Variants in PALLD observed in about 807,000 individuals in gnomAD.
The protein encoded by PALLD is palladin, cytoskeletal associated protein.
PALLD carries 61 observed loss-of-function variants against 123.5 expected under a neutral mutation model. That is an observed-to-expected ratio of 0.49 (90% confidence interval 0.40 to 0.61). The LOEUF (loss-of-function observed/expected upper bound fraction) is 0.61, where lower values mean the gene tolerates loss of function less well. Among genes scored for constraint, PALLD ranks in the 20% least tolerant of loss-of-function variants. The pLI, the probability that PALLD is intolerant of heterozygous loss-of-function variation, is 0.00. For missense variants in PALLD, 1,273 were observed against 1,377.0 expected, an observed-to-expected ratio of 0.92 and a Z score of 1.20; for synonymous variants, 465 against 496.4, an observed-to-expected ratio of 0.94 and a Z score of 0.84.
At chr4:168,630,406 A>C (rs1420407603) in intron 2 of PALLD, among the ~76,000 whole-genome samples, 1 of 152,256 alleles carries the variant, frequency 6.6e-6, no homozygotes, top group Non-Finnish European at 1.5e-5. Flanking sequence ...TATTAACTTT[A>C]CATTGATTCC....
At chr4:168,572,663 A>T (rs1048416183) in intron 2 of PALLD, among the ~76,000 whole-genome samples, 4 of 151,798 alleles carry the variant, frequency 2.6e-5, no homozygotes, top group Non-Finnish European at 5.9e-5. Context: ...CTTAAAGCCA[A>T]AGCCTGAGAG....
intron 2 of PALLD, among the ~76,000 whole-genome samples, chr4:168,531,322 G>A (rs977951005): frequency 1.3e-5 from 2 of 152,174 alleles, no homozygotes; most frequent in Non-Finnish European, 2.9e-5. Flanking sequence ...GTTAGACCCA[G>A]AACCTTATGA....
Position 168,898,543 on chromosome 4 carries a change from C to T in PALLD, c.2301C>T (p.Tyr767=). The T allele has an allele frequency of 6.2e-7, 1 of 1,613,906 alleles. No homozygotes were observed. The highest frequency in any genetic ancestry group is 8.5e-7 in the Non-Finnish European group (1 of 1,179,790). ...CEQRLISEIE[Y]RLERSPVDES... The stretch of plus-strand genomic sequence containing the variant: ...AGAGACTCATCAGTGAAATAGAGTA[C>T]AGGCTAGAAAGGTCTCCTGTGGATG... Residue 767 remains tyrosine (Y), a synonymous_variant, in exon 14 of 22, where the codon TAC becomes TAT. Transcript: ENST00000505667.
At chr4:168,620,345 C>T (rs1774639977) in intron 2 of PALLD, among the ~76,000 whole-genome samples, 1 of 152,152 alleles carries the variant, frequency 6.6e-6, no homozygotes, top group Admixed American at 6.5e-5. Flanking sequence ...ATCGCAGCTA[C>T]TCAGGAGGCT....
Position 168,595,160 on chromosome 4 carries a change from A to G in PALLD, c.909-73030A>G, listed in dbSNP as rs1771852459. On this transcript the variant is annotated intron_variant, in intron 2 of 21. Coordinates refer to ENST00000505667, the MANE Select transcript of PALLD (RefSeq NM_001166108.2). ...TTTGCTGTCCTTGACCTCCATGAGG[A>G]TAAGTTGTGGTGGGGCCTGTGGTTA... 2.0e-5 allele frequency among the ~76,000 whole-genome samples: 3 copies of G among 152,160 alleles called. No homozygotes were observed. In the South Asian group the frequency reaches 6.2e-4, roughly 32 times the overall value.
intron 8 of PALLD, 38 bp from the exon 9 acceptor site, chr4:168,708,990 T>C (rs1294635431): frequency 6.2e-7 from 1 of 1,608,020 alleles, no homozygotes; most frequent in Non-Finnish European, 8.5e-7. Context: ...ACTTCATGGT[T>C]CAACTCTGAT....
At chr4:168,796,653 T>C (rs1382534122) in intron 10 of PALLD, among the ~76,000 whole-genome samples, 2 of 152,212 alleles carry the variant, frequency 1.3e-5, no homozygotes, top group East Asian at 1.9e-4. Context: ...AGTATTCAAA[T>C]GGCATATCTT....
At chr4:168,604,841 G>C (rs1773012720) in intron 2 of PALLD, among the ~76,000 whole-genome samples, 1 of 152,154 alleles carries the variant, frequency 6.6e-6, no homozygotes. Flanking sequence ...GTTAAATAGA[G>C]GGTAAGAAAC....
intron 2 of PALLD, among the ~76,000 whole-genome samples, chr4:168,602,100 G>T (rs1200700086): frequency 6.6e-6 from 1 of 152,162 alleles, no homozygotes; most frequent in Non-Finnish European, 1.5e-5. Context: ...CAGACAGTTG[G>T]TCTGGCCAGT....
chr4:168,708,666 A>G (rs1381419705), intron 8 of PALLD, among the ~76,000 whole-genome samples: 1 of 152,208 alleles, frequency 6.6e-6, no homozygotes, highest in African/African-American at 2.4e-5. Context: ...ATGTACAGAA[A>G]GAACTCTGAC....
At chr4:168,680,859 G>A (rs1243110426) in intron 3 of PALLD, among the ~76,000 whole-genome samples, 2 of 152,082 alleles carry the variant, frequency 1.3e-5, no homozygotes, top group African/African-American at 4.8e-5. Context: ...ATTTGGGAAG[G>A]CATGATCCAA....
chr4:168,904,330 A>G, intron 15 of PALLD: 1 of 181,020 alleles, frequency 5.5e-6, no homozygotes, highest in Non-Finnish European at 1.2e-5. Flanking sequence ...AAAATATTTT[A>G]AAAGAAACAC....
chr4:168,924,043 GAATT>G (rs1258679759), intron 18 of PALLD, among the ~76,000 whole-genome samples: 8 of 152,156 alleles, frequency 5.3e-5, no homozygotes, highest in Non-Finnish European at 1.2e-4. Flanking sequence ...TATCAGACTT[GAATT>G]AATTGAGGAA....
In PALLD at chr4:168,853,019, A is replaced by C. The variant is rs185017905; in HGVS notation, c.1965-37903A>C. Among the ~76,000 whole-genome samples the C allele has an allele frequency of 1.1e-4, 17 of 152,368 alleles. No individual in the cohort carries two copies. The East Asian group carries it at 3.3e-3, about 29-fold the overall frequency. On this transcript the variant is annotated intron_variant, in intron 10 of 21. Transcript: ENST00000505667. ...CAAGTTTACTTTTTAGGACTAATAA[A>C]TTAGTTTTCATAATTTTAGCCATTT...
At chr4:168,654,906 G>C (rs1430672482) in intron 2 of PALLD, 54 of 152,194 alleles carry the variant, frequency 3.5e-4, no homozygotes, top group Non-Finnish European at 8.8e-5. Context: ...AGCATTTGCA[G>C]AATGTTTGCA....
chr4:168,903,730 A>C (rs978928510), intron 14 of PALLD, 27 bp from the exon 15 acceptor site: 1 of 1,590,912 alleles, frequency 6.3e-7, no homozygotes. Flanking sequence ...CAAACTCCTA[A>C]TCTTTAATCT....
At chr4:168,794,469 C>A (rs1388816430) in intron 10 of PALLD, among the ~76,000 whole-genome samples, 2 of 150,820 alleles carry the variant, frequency 1.3e-5, no homozygotes, top group Admixed American at 1.3e-4. Flanking sequence ...CACAGACGTA[C>A]GTGCACACGC....
chr4:168,687,970 C>A (rs1782249035), intron 6 of PALLD, among the ~76,000 whole-genome samples: 1 of 152,254 alleles, frequency 6.6e-6, no homozygotes, highest in South Asian at 2.1e-4. Flanking sequence ...CTCAGAGCCA[C>A]TTCTCCAGCC....
intron 10 of PALLD, among the ~76,000 whole-genome samples, chr4:168,757,607 G>A (rs1409959829): frequency 6.6e-6 from 1 of 152,218 alleles, no homozygotes; most frequent in South Asian, 2.1e-4. Context: ...ACAGTTCCAT[G>A]TCCATCTGTA....
Sources: gnomAD v4.1 joint callset for allele counts (sites outside exome capture counted in the v4.1 genomes callset) on GRCh38, gnomAD v4.1.1 for gene constraint, MANE v1.5 for transcripts, NCBI Gene and HGNC (gene_info 2026-07-23, HGNC 2026-07-21) for gene names.